The following SHANK2 variants were observed in gnomAD, a reference collection of about 807,000 sequenced individuals.
SHANK2 encodes SH3 and multiple ankyrin repeat domains 2.
SHANK2 carries 43 observed loss-of-function variants against 133.7 expected under a neutral mutation model. The observed-to-expected ratio is 0.32, with a 90% CI of 0.25 to 0.41. The LOEUF is 0.41. Among genes scored for constraint, SHANK2 ranks in the 10% least tolerant of loss-of-function variants. The pLI is 1.00. For synonymous variants in SHANK2, 1,017 were observed against 952.8 expected, an observed-to-expected ratio of 1.07 and a Z score of -1.24; for missense variants, 1,994 against 2,235.8, an observed-to-expected ratio of 0.89 and a Z score of 2.18.
chr11:71,181,754 C>A (rs1398371275), intron 2 of SHANK2, among the ~76,000 whole-genome samples: 6 of 152,128 alleles, frequency 3.9e-5, no homozygotes, highest in Admixed American at 3.9e-4. Context: ...TGGGGACGTG[C>A]CCAGGAATCC....
At chr11:71,232,304 G>C (rs1425169319) in intron 1 of SHANK2, among the ~76,000 whole-genome samples, 1 of 152,126 alleles carries the variant, frequency 6.6e-6, no homozygotes. Context: ...TTTGAATCTC[G>C]ACCGCGTCAA....
Position 70,502,797 on chromosome 11 carries a change from T to C in SHANK2, c.2196A>G (p.Lys732=), listed in dbSNP as rs1555159118. 1 of 1,380,510 alleles carries C rather than the reference T, an allele frequency of 7.2e-7. No individual in the cohort carries two copies. The highest frequency in any genetic ancestry group is 1.1e-5 in the South Asian group (1 of 87,728). The allele number at this position is 1,380,510 out of a possible 1,614,324, so 85.5% of individuals were successfully genotyped here. A position where few individuals can be genotyped will look rare whatever the true frequency, so the allele number is the denominator to read the frequency against. The change falls in exon 18 of 26, where the codon AAA becomes AAG. Residue 732 remains lysine (K), a splice_region_variant and synonymous_variant. Coordinates refer to ENST00000601538, the MANE Select transcript of SHANK2 (RefSeq NM_012309.5). ...AGCTGGGCGATGTGGGGCATGTACCTTTCTTCCTGGCGGTGTCGTCGGGGT... is the reference window on the plus strand; with the variant it reads ...AGCTGGGCGATGTGGGGCATGTACCCTTCTTCCTGGCGGTGTCGTCGGGGT... ...NLDPDDTARK[K]APPPPKRAPT...
intron 2 of SHANK2, among the ~76,000 whole-genome samples, chr11:71,189,717 A>T (rs957605992): frequency 6.6e-5 from 10 of 152,234 alleles, no homozygotes; most frequent in Non-Finnish European, 1.2e-4. Flanking sequence ...CCATGAGCCC[A>T]CCAACACTCA....
intron 17 of SHANK2, among the ~76,000 whole-genome samples, chr11:70,557,324 T>G (rs2059846277): frequency 6.6e-6 from 1 of 152,138 alleles, no homozygotes; most frequent in African/African-American, 2.4e-5. Context: ...TGATCACATG[T>G]GAGTTCCAGG....
chr11:70,737,497 T>C (rs1292958664), intron 14 of SHANK2, among the ~76,000 whole-genome samples: 1 of 152,118 alleles, frequency 6.6e-6, no homozygotes, highest in African/African-American at 2.4e-5. Flanking sequence ...TGAGACTCTG[T>C]CCGAGTTCCC....
chr11:70,915,289 CAT>C (rs1950254652), intron 10 of SHANK2, among the ~76,000 whole-genome samples: 2 of 152,176 alleles, frequency 1.3e-5, no homozygotes, highest in African/African-American at 2.4e-5. Context: ...TCCGCCAGCA[CAT>C]GTTAGCAGAC....
rs1555158834 is a variant in SHANK2, at chr11:70,502,249, G to A, written c.2235C>T (p.Leu745=). 6.4e-7 allele frequency: 1 copy of A among 1,559,162 alleles called. No homozygotes were observed. The highest frequency in any genetic ancestry group is 1.7e-4 in the Middle Eastern group (1 of 5,822). The part of the protein sequence containing the change: ...PPPKRAPTTA[L]TLRSKSMTSE... ...AGGTCATGGACTTGGAGCGCAGGGT[G>A]AGGGCTGTGGTCGGTGCCCGCTTTG... Residue 745 remains leucine, a synonymous_variant, in exon 19 of 26, where the codon CTC becomes CTT. Transcript: ENST00000601538.
chr11:70,926,517 T>C (rs782378060), intron 10 of SHANK2, among the ~76,000 whole-genome samples: 1 of 152,202 alleles, frequency 6.6e-6, no homozygotes, highest in Non-Finnish European at 1.5e-5. Flanking sequence ...AAGTGTGTTT[T>C]CTTCATGAGC....
intron 9 of SHANK2, among the ~76,000 whole-genome samples, chr11:71,062,810 A>G (rs1179938469): frequency 6.6e-6 from 1 of 152,000 alleles, no homozygotes; most frequent in African/African-American, 2.4e-5. Context: ...AGCCTGGGCA[A>G]TATAGCAAGA....
At chr11:71,085,756 TTA>T (rs1951387722) in intron 8 of SHANK2, among the ~76,000 whole-genome samples, 1 of 77,444 alleles carries the variant, frequency 1.3e-5, no homozygotes, top group African/African-American at 5.3e-5. Context: ...ATATATTATG[TTA>T]TATAATATAT....
chr11:70,885,017 A>G (rs2455779), intron 11 of SHANK2, among the ~76,000 whole-genome samples: 139,114 of 152,072 alleles, frequency 0.91, 64,343 homozygotes, highest in Non-Finnish European at 0.98. Context: ...CACTGCGCCC[A>G]GCCAGGGGTC....
intron 10 of SHANK2, among the ~76,000 whole-genome samples, chr11:70,941,447 A>G (rs1950646796): frequency 6.6e-6 from 1 of 152,204 alleles, no homozygotes; most frequent in African/African-American, 2.4e-5. Flanking sequence ...CCTGAAACAT[A>G]TCTCCTAAAC....
intron 12 of SHANK2, among the ~76,000 whole-genome samples, chr11:70,808,632 G>A (rs1468382337): frequency 2.0e-5 from 3 of 151,740 alleles, no homozygotes; most frequent in Non-Finnish European, 2.9e-5. Flanking sequence ...CTCCTTGGGA[G>A]GCTCAGGTGG....
intron 3 of SHANK2, among the ~76,000 whole-genome samples, chr11:71,140,977 G>A (rs1289656808): frequency 2.0e-5 from 3 of 152,216 alleles, no homozygotes; most frequent in Non-Finnish European, 2.9e-5. Flanking sequence ...GCCCAAGGCT[G>A]GGTGTCCCCA....
intron 17 of SHANK2, among the ~76,000 whole-genome samples, chr11:70,533,632 TA>T (rs2059506875): frequency 6.6e-6 from 1 of 152,116 alleles, no homozygotes; most frequent in Non-Finnish European, 1.5e-5. Context: ...GGGACATGCA[TA>T]TTTCTTTAAT....
intron 12 of SHANK2, among the ~76,000 whole-genome samples, chr11:70,814,269 A>T (rs1207731135): frequency 6.6e-6 from 1 of 151,752 alleles, no homozygotes; most frequent in Admixed American, 6.6e-5. Context: ...GGTTTCAGTG[A>T]GTCAAGATCG....
intron 9 of SHANK2, among the ~76,000 whole-genome samples, chr11:71,073,139 T>TTC (rs1951165500): frequency 3.2e-5 from 3 of 93,438 alleles, no homozygotes; most frequent in Non-Finnish European, 7.6e-5. Context: ...TTTTTTTCTT[T>TTC]TTCTTTTCTT....
chr11:71,178,095 G>C (rs540080723), intron 2 of SHANK2, among the ~76,000 whole-genome samples: 1 of 152,266 alleles, frequency 6.6e-6, no homozygotes, highest in South Asian at 2.1e-4. Flanking sequence ...CAAAAGAAGA[G>C]AGCGTAGGGA....
chr11:71,181,690 G>A (rs1953560495), intron 2 of SHANK2, among the ~76,000 whole-genome samples: 1 of 152,060 alleles, frequency 6.6e-6, no homozygotes, highest in Non-Finnish European at 1.5e-5. Context: ...TACATCCAAG[G>A]CAACCGTGAC....
Sources: allele counts gnomAD v4.1 joint callset (sites outside exome capture counted in the v4.1 genomes callset), GRCh38; gene constraint gnomAD v4.1.1; transcripts MANE v1.5; gene names NCBI Gene and HGNC (gene_info 2026-07-23, HGNC 2026-07-21).